Variants in RMND5A observed in about 807,000 individuals in gnomAD.
RMND5A encodes the protein required for meiotic nuclear division 5 homolog A, also known as E3 ubiquitin-protein transferase RMND5A.
A neutral mutation model predicts 49.7 loss-of-function variants in RMND5A; 17 were observed. The observed-to-expected ratio is 0.34, with a 90% confidence interval of 0.23 to 0.51. The LOEUF is 0.51. Ranked by LOEUF, RMND5A falls within the 20% of genes least tolerant of loss-of-function variation. The probability of loss-of-function intolerance (pLI) is 0.96; values close to 1 mark genes in which losing one functional copy is unlikely to be tolerated. For missense variants in RMND5A, 255 were observed against 471.3 expected (o/e 0.54, Z 4.25); for synonymous variants, 156 against 167.7 (o/e 0.93, Z 0.54).
chr2:86,745,379 A>T (rs998779273), intron 2 of RMND5A, among the ~76,000 whole-genome samples: 7 of 152,256 alleles, frequency 4.6e-5, no homozygotes, highest in African/African-American at 1.7e-4. Context: ...CTTATTATAA[A>T]GTAAAGGTAG....
At chr2:86,761,716 A>G (rs1013914619) in intron 4 of RMND5A, among the ~76,000 whole-genome samples, 2 of 152,198 alleles carry the variant, frequency 1.3e-5, no homozygotes, top group African/African-American at 2.4e-5. Flanking sequence ...CTTGTATTCT[A>G]TGAATTTGGG....
chr2:86,754,338 A>C (rs1681692749), intron 4 of RMND5A, among the ~76,000 whole-genome samples: 1 of 152,270 alleles, frequency 6.6e-6, no homozygotes, highest in Non-Finnish European at 1.5e-5. Flanking sequence ...GGTTATTTGT[A>C]ATAAATAGCT....
At chr2:86,728,769 T>C (rs1404356116) in intron 1 of RMND5A, among the ~76,000 whole-genome samples, 2 of 143,028 alleles carry the variant, frequency 1.4e-5, no homozygotes, top group Non-Finnish European at 3.0e-5. Flanking sequence ...CTTTTTTTTT[T>C]TTGAGGCTGA....
intron 4 of RMND5A, among the ~76,000 whole-genome samples, chr2:86,762,877 C>A (rs977953314): frequency 6.6e-6 from 1 of 151,072 alleles, no homozygotes; most frequent in Non-Finnish European, 1.5e-5. Context: ...CTTGTCTCTT[C>A]AAAAAAATAC....
chr2:86,744,184 T>C (rs1573433397), intron 2 of RMND5A, among the ~76,000 whole-genome samples: 2 of 152,092 alleles, frequency 1.3e-5, no homozygotes, highest in East Asian at 3.9e-4. Context: ...TAGAAGTACC[T>C]AGACGTTGTG....
chr2:86,777,968 G>A lies in RMND5A; in HGVS notation c.*4557G>A, dbSNP rs995926065. The A allele has an allele frequency of 6.6e-6, 1 of 152,134 alleles. No homozygotes were observed. Among genetic ancestry groups the A allele is most frequent in the African/African-American group, 2.4e-5 (1 of 41,414 alleles). 9.4% of individuals were successfully genotyped at this position (152,134 alleles called of 1,614,324 possible). ...TATAAGAAATGCTTTGTTAATGTGT[G>A]TATTCCTATGTAAAACACATGGCTT... is the stretch of plus-strand genomic sequence containing the variant. On this transcript the variant is annotated 3_prime_UTR_variant, in exon 9 of 9. Coordinates refer to ENST00000283632, the MANE Select transcript of RMND5A (RefSeq NM_022780.4).
At chr2:86,769,913 T>G in intron 6 of RMND5A, 110 bp from the exon 7 acceptor site, 1 of 726,168 alleles carries the variant, frequency 1.4e-6, no homozygotes, top group Non-Finnish European at 2.4e-6. Flanking sequence ...TCTCACCCTG[T>G]CCAGTGGCCA....
intron 4 of RMND5A, among the ~76,000 whole-genome samples, chr2:86,756,171 C>T (rs1045568074): frequency 2.0e-5 from 3 of 152,052 alleles, no homozygotes; most frequent in East Asian, 1.9e-4. Context: ...GTGGGCAGAT[C>T]GCTTGAGCCC....
chr2:86,771,667 A>G lies in RMND5A; in HGVS notation c.1067A>G (p.His356Arg). 6.2e-7 allele frequency: 1 copy of G among 1,613,608 alleles called. No individual in the cohort carries two copies. The highest frequency in any genetic ancestry group is 8.5e-7 in the Non-Finnish European group (1 of 1,179,708). The change falls in exon 8 of 9, where the codon CAT becomes CGT. Residue 356 changes from histidine (H) to arginine (R), a missense_variant. Transcript: ENST00000283632. ...CCACCCATGAAATTGGTCTGTGGTC[A>G]TATTATATCAAGAGATGCCCTGAAT... ...NNPPMKLVCG[H>R]IISRDALNKM...
At position 86,773,640 on chromosome 2, in the gene RMND5A, C is replaced by G; in HGVS notation, c.*229C>G. 2.8e-6 allele frequency: 1 copy of G among 352,008 alleles called. No individual in the cohort carries two copies. The highest frequency in any genetic ancestry group is 5.1e-6 in the Non-Finnish European group (1 of 195,526). The allele number at this position is 352,008 out of a possible 1,614,324, so 21.8% of individuals were successfully genotyped here. On this transcript the variant is annotated 3_prime_UTR_variant, in exon 9 of 9. Transcript: ENST00000283632. ...GTCTTCATTTCTGATCAAGTAAATA[C>G]ACCAGCAGTTGTCATTCAATGCAGG... is the stretch of plus-strand genomic sequence containing the variant.
intron 3 of RMND5A, 75 bp from the exon 4 acceptor site, chr2:86,753,383 T>C (rs972782667): frequency 7.6e-5 from 64 of 839,268 alleles, no homozygotes; most frequent in Non-Finnish European, 1.0e-4. Flanking sequence ...TTTTACAATC[T>C]AGAATATACT....
At chr2:86,764,985 T>C (rs1672566042) in intron 4 of RMND5A, 42 bp from the exon 5 acceptor site, 1 of 1,563,038 alleles carries the variant, frequency 6.4e-7, no homozygotes, top group Admixed American at 2.1e-5. Context: ...GACACCTTGC[T>C]TATGCTTTTG....
intron 2 of RMND5A, among the ~76,000 whole-genome samples, chr2:86,745,643 C>T (rs1472591161): frequency 6.6e-6 from 1 of 152,138 alleles, no homozygotes; most frequent in African/African-American, 2.4e-5. Flanking sequence ...TACTTGACCT[C>T]ATTAAGTAGG....
At chr2:86,758,286 G>C (rs1681782750) in intron 4 of RMND5A, among the ~76,000 whole-genome samples, 1 of 152,066 alleles carries the variant, frequency 6.6e-6, no homozygotes, top group Admixed American at 6.5e-5. Flanking sequence ...TGCACAAGTG[G>C]TTGCATACTA....
At chr2:86,761,470 A>G (rs551750146) in intron 4 of RMND5A, among the ~76,000 whole-genome samples, 2 of 152,192 alleles carry the variant, frequency 1.3e-5, no homozygotes, top group Non-Finnish European at 2.9e-5. Flanking sequence ...GAGAGGTCCT[A>G]TCATGTCAGG....
intron 4 of RMND5A, among the ~76,000 whole-genome samples, chr2:86,760,861 A>G (rs949656623): frequency 2.5e-4 from 38 of 152,184 alleles, no homozygotes; most frequent in Non-Finnish European, 7.3e-5. Flanking sequence ...TATAAAGACG[A>G]GGGTAAAGTC....
chr2:86,763,846 T>G (rs923377604), intron 4 of RMND5A, among the ~76,000 whole-genome samples: 3 of 152,176 alleles, frequency 2.0e-5, no homozygotes, highest in Non-Finnish European at 4.4e-5. Context: ...CTGCATCATT[T>G]TAGTGCCAGG....
intron 4 of RMND5A, among the ~76,000 whole-genome samples, chr2:86,761,264 G>A (rs945468477): frequency 6.6e-6 from 1 of 152,180 alleles, no homozygotes; most frequent in African/African-American, 2.4e-5. Context: ...CTTGATACCA[G>A]AGCTTAGCAA....
At position 86,743,183 on chromosome 2, in the gene RMND5A, A is replaced by C. The variant is rs546518264; in HGVS notation, c.285+2114A>C. 3.3e-5 allele frequency among the ~76,000 whole-genome samples: 5 copies of C among 152,298 alleles called. No individual in the cohort carries two copies. The South Asian group carries it at 1.0e-3, about 32-fold the overall frequency. The stretch of plus-strand genomic sequence containing the variant: ...TTGTCAGATATTTTGACTAATCTTT[A>C]AGGCAAAACATTATCTGGATGTACT... On this transcript the variant is annotated intron_variant, in intron 2 of 8. Transcript: ENST00000283632.
Sources: gnomAD v4.1 joint callset for allele counts (sites outside exome capture counted in the v4.1 genomes callset) on GRCh38, gnomAD v4.1.1 for gene constraint, MANE v1.5 for transcripts, NCBI Gene and HGNC (gene_info 2026-07-23, HGNC 2026-07-21) for gene names.